The following DNAJC11 variants were observed in gnomAD, a reference collection of about 807,000 sequenced individuals.
The protein encoded by DNAJC11 is dnaJ homolog subfamily C member 11.
In DNAJC11, 15 loss-of-function variants were observed where a neutral mutation model predicts 78.6. The ratio of observed to expected loss-of-function variants is 0.19; its 90% CI spans 0.13 to 0.29. DNAJC11 has a LOEUF of 0.29. Among genes scored for constraint, DNAJC11 ranks in the 10% least tolerant of loss-of-function variants. DNAJC11 has a pLI of 1.00. For missense variants in DNAJC11, 547 were observed against 709.6 expected (o/e 0.77, Z 2.60); for synonymous variants, 292 against 272.1 (o/e 1.07, Z -0.72).
chr1:6,655,485 A>T (rs1483585051), intron 4 of DNAJC11, among the ~76,000 whole-genome samples: 1 of 152,214 alleles, frequency 6.6e-6, no homozygotes, highest in Non-Finnish European at 1.5e-5. Flanking sequence ...CATCTCTGTC[A>T]TGATGATGAT....
intron 4 of DNAJC11, among the ~76,000 whole-genome samples, chr1:6,655,048 C>T (rs962568159): frequency 4.6e-5 from 7 of 152,186 alleles, no homozygotes; most frequent in Admixed American, 6.5e-5. Flanking sequence ...CCACTCGCCT[C>T]GGCCTCCCAA....
chr1:6,655,138 T>G (rs917956816), intron 4 of DNAJC11, among the ~76,000 whole-genome samples: 3 of 152,196 alleles, frequency 2.0e-5, no homozygotes, highest in Non-Finnish European at 2.9e-5. Context: ...GAAAATGCAT[T>G]AACCCTAATA....
chr1:6,653,241 T>C lies in DNAJC11; in HGVS notation c.508-290A>G, dbSNP rs1332676848. On this transcript the variant is annotated intron_variant, in intron 5 of 15. Coordinates refer to ENST00000377577, the MANE Select transcript of DNAJC11 (RefSeq NM_018198.4). The surrounding 1 kb of genome is among the most constrained non-coding windows in gnomAD (Gnocchi z 4.5). The stretch of plus-strand genomic sequence containing the variant: ...GTCCCAATGGTATCAGATAGCACAG[T>C]GACTTCACTGTGTGCCTTCCCTCTG... Among the ~76,000 whole-genome samples, 12 of 152,328 alleles carry C rather than the reference T, an allele frequency of 7.9e-5. No individual in the cohort carries two copies. Among genetic ancestry groups the C allele is most frequent in the Admixed American group, 7.2e-4 (11 of 15,294 alleles).
chr1:6,672,271 T>G (rs1642392970), intron 3 of DNAJC11, among the ~76,000 whole-genome samples: 1 of 152,208 alleles, frequency 6.6e-6, no homozygotes. Flanking sequence ...CATACACTAC[T>G]ATTTTTTTCA....
At chr1:6,655,765 C>T (rs577538423) in intron 4 of DNAJC11, among the ~76,000 whole-genome samples, 25 of 151,264 alleles carry the variant, frequency 1.7e-4, no homozygotes, top group Admixed American at 7.2e-4. Flanking sequence ...GCCAAGATTG[C>T]GCCACTGCAC....
At chr1:6,693,121 A>G (rs1011183378) in intron 1 of DNAJC11, among the ~76,000 whole-genome samples, 3 of 130,752 alleles carry the variant, frequency 2.3e-5, no homozygotes, top group African/African-American at 8.7e-5. Context: ...CCATGTTAAT[A>G]AGGCTGGTCT....
rs975356259 is a variant in DNAJC11 at position 6,635,375 on chromosome 1, G to A, written c.*300C>T. 12 of 337,502 alleles carry A rather than the reference G, an allele frequency of 3.6e-5. No individual in the cohort carries two copies. The highest frequency in any genetic ancestry group is 1.3e-4 in the Admixed American group (3 of 23,638). The allele number at this position is 337,502 out of a possible 1,614,324, so 20.9% of individuals were successfully genotyped here. A position where few individuals can be genotyped will look rare whatever the true frequency, so the allele number is the denominator to read the frequency against. ...CAGGGCGGCGGGCTGCGGTCAGCACGTGTGCTCGGGACACAGCGGAGTCAG... is the reference window on the plus strand; with the variant it reads ...CAGGGCGGCGGGCTGCGGTCAGCACATGTGCTCGGGACACAGCGGAGTCAG... On this transcript the variant is annotated 3_prime_UTR_variant, in exon 16 of 16. Coordinates refer to ENST00000377577, the MANE Select transcript of DNAJC11 (RefSeq NM_018198.4).
intron 3 of DNAJC11, among the ~76,000 whole-genome samples, chr1:6,669,560 G>GAA (rs1199045073): frequency 6.7e-6 from 1 of 149,094 alleles, no homozygotes; most frequent in African/African-American, 2.5e-5. Context: ...GAAAAGAAAA[G>GAA]AAAAGAAAAG....
chr1:6,643,884 T>C (rs1641923659), intron 10 of DNAJC11, among the ~76,000 whole-genome samples: 1 of 152,114 alleles, frequency 6.6e-6, no homozygotes, highest in Non-Finnish European at 1.5e-5. Flanking sequence ...CTGTATTTTT[T>C]TTTTGAGATG....
intron 7 of DNAJC11, chr1:6,651,235 T>C (rs549590334): frequency 3.2e-6 from 2 of 623,056 alleles, no homozygotes; most frequent in South Asian, 2.9e-5. Flanking sequence ...ACTGACCAAC[T>C]CTCCCTGAAG....
At chr1:6,643,302 G>T (rs1315831949) in intron 10 of DNAJC11, among the ~76,000 whole-genome samples, 1 of 147,404 alleles carries the variant, frequency 6.8e-6, no homozygotes, top group Non-Finnish European at 1.5e-5. Context: ...TTTGAGTGGA[G>T]TCTCGCTCTG....
At chr1:6,696,528 C>T (rs1051289308) in intron 1 of DNAJC11, among the ~76,000 whole-genome samples, 9 of 152,294 alleles carry the variant, frequency 5.9e-5, no homozygotes, top group African/African-American at 1.9e-4. Context: ...AGCTCAAACT[C>T]AACTGTTGGG....
At chr1:6,673,708 G>A (rs995107792) in intron 3 of DNAJC11, among the ~76,000 whole-genome samples, 1 of 152,048 alleles carries the variant, frequency 6.6e-6, no homozygotes, top group Non-Finnish European at 1.5e-5. Flanking sequence ...GATTTTCTAC[G>A]AACATCCTTT....
Position 6,634,523 on chromosome 1 carries a change from G to A in DNAJC11, c.*1152C>T, listed in dbSNP as rs1487214974. The A allele has an allele frequency of 7.3e-7, 1 of 1,360,688 alleles. No individual in the cohort carries two copies. Among genetic ancestry groups the A allele is most frequent in the Non-Finnish European group, 9.8e-7 (1 of 1,019,772 alleles). 84.3% of individuals were successfully genotyped at this position (1,360,688 alleles called of 1,614,324 possible). A position where few individuals can be genotyped will look rare whatever the true frequency, so the allele number is the denominator to read the frequency against. ...CAGCTTGGGGCCCCCCGCGCCAGCT[G>A]TCTCAGCCACCACCTGTGCGGCGCT... On this transcript the variant is annotated 3_prime_UTR_variant, in exon 16 of 16. Coordinates refer to ENST00000377577, the MANE Select transcript of DNAJC11 (RefSeq NM_018198.4).
chr1:6,695,088 A>G (rs1156242263), intron 1 of DNAJC11, among the ~76,000 whole-genome samples: 6 of 150,648 alleles, frequency 4.0e-5, no homozygotes, highest in African/African-American at 1.5e-4. Flanking sequence ...AGAGCTTGCA[A>G]TGAGCCGAGA....
chr1:6,690,457 T>C (rs1163773957), intron 1 of DNAJC11, among the ~76,000 whole-genome samples: 1 of 152,310 alleles, frequency 6.6e-6, no homozygotes, highest in African/African-American at 2.4e-5. Context: ...CCACAAAACC[T>C]GCTAGAAACT....
chr1:6,634,581 C>T lies in DNAJC11; in HGVS notation c.*1094G>A, dbSNP rs1641718776. The stretch of plus-strand genomic sequence containing the variant: ...AGGGGTCAGCAAGAGCAACTGATGG[C>T]TGCCACTTCCAGGCCCCGAGAGACA... On this transcript the variant is annotated 3_prime_UTR_variant, in exon 16 of 16. Coordinates refer to ENST00000377577, the MANE Select transcript of DNAJC11 (RefSeq NM_018198.4). The T allele has an allele frequency of 7.3e-7, 1 of 1,365,808 alleles. No individual in the cohort carries two copies. The highest frequency in any genetic ancestry group is 4.5e-5 in the East Asian group (1 of 21,996). 84.6% of individuals were successfully genotyped at this position (1,365,808 alleles called of 1,614,324 possible).
chr1:6,647,028 G>C (rs940166408), intron 7 of DNAJC11, among the ~76,000 whole-genome samples: 1 of 149,474 alleles, frequency 6.7e-6, no homozygotes, highest in Non-Finnish European at 1.5e-5. Flanking sequence ...GTAGCGGCAC[G>C]CCCTGTAGTC....
chr1:6,670,514 TC>T (rs1642363462), intron 3 of DNAJC11: 1 of 152,052 alleles, frequency 6.6e-6, no homozygotes, highest in Non-Finnish European at 1.5e-5. Flanking sequence ...CAAAAACGCA[TC>T]CAAAAAATCC....
Sources: gnomAD v4.1 joint callset for allele counts (sites outside exome capture counted in the v4.1 genomes callset) on GRCh38, gnomAD v4.1.1 for gene constraint, Gnocchi (gnomAD v3.1) non-coding constraint, MANE v1.5 for transcripts, NCBI Gene and HGNC (gene_info 2026-07-23, HGNC 2026-07-21) for gene names.